The following PTPRF variants were observed in gnomAD, a reference collection of about 807,000 sequenced individuals.
PTPRF encodes protein tyrosine phosphatase receptor type F, also known as receptor-type tyrosine-protein phosphatase F.
A neutral mutation model predicts 201.8 loss-of-function variants in PTPRF; 59 were observed. The ratio of observed to expected loss-of-function variants is 0.29; its 90% CI spans 0.24 to 0.36. PTPRF has a LOEUF of 0.36. Among genes scored for constraint, PTPRF ranks in the 10% least tolerant of loss-of-function variants. The probability of loss-of-function intolerance (pLI) is 1.00; values close to 1 mark genes in which losing one functional copy is unlikely to be tolerated. For missense variants in PTPRF, 2,132 were observed against 2,690.5 expected (o/e 0.79, Z 4.59); for synonymous variants, 1,088 against 1,089.7 (o/e 1.00, Z 0.03).
At chr1:43,552,397 G>T (rs983312601) in intron 3 of PTPRF, among the ~76,000 whole-genome samples, 1 of 152,194 alleles carries the variant, frequency 6.6e-6, no homozygotes, top group African/African-American at 2.4e-5. Flanking sequence ...CAAGTGACTT[G>T]ACCCCTCTGA....
intron 5 of PTPRF, among the ~76,000 whole-genome samples, chr1:43,562,116 T>C (rs1357855731): frequency 2.1e-5 from 3 of 143,620 alleles, no homozygotes; most frequent in Non-Finnish European, 4.7e-5. Flanking sequence ...AGAGGACTTG[T>C]TTTTTTTTTT....
intron 1 of PTPRF, among the ~76,000 whole-genome samples, chr1:43,536,352 A>T (rs1489368104): frequency 1.3e-5 from 2 of 152,166 alleles, no homozygotes; most frequent in Non-Finnish European, 2.9e-5. Context: ...TCCTGCCCTC[A>T]TGCTGTTCTG....
intron 21 of PTPRF, among the ~76,000 whole-genome samples, chr1:43,607,420 G>C (rs2154027129): frequency 6.6e-6 from 1 of 152,278 alleles, no homozygotes; most frequent in South Asian, 2.1e-4. Flanking sequence ...GGCCATGGAT[G>C]CTCACTAACA....
chr1:43,531,082 G>T lies in PTPRF; in HGVS notation c.-134G>T. 6.6e-6 allele frequency: 1 copy of T among 152,500 alleles called. No individual in the cohort carries two copies. Among genetic ancestry groups the T allele is most frequent in the South Asian group, 1.8e-4 (1 of 5,670 alleles). 9.4% of individuals were successfully genotyped at this position (152,500 alleles called of 1,614,324 possible). A position where few individuals can be genotyped will look rare whatever the true frequency, so the allele number is the denominator to read the frequency against. On this transcript the variant is annotated 5_prime_UTR_variant, in exon 1 of 34. Coordinates refer to ENST00000359947, the MANE Select transcript of PTPRF (RefSeq NM_002840.5). The stretch of plus-strand genomic sequence containing the variant: ...GGGGACATGCGGACCGACGGCCCCT[G>T]GATAGGCGGTGAGTGACCCCCCGGC...
At chr1:43,541,428 A>G (rs573552439) in intron 2 of PTPRF, among the ~76,000 whole-genome samples, 4 of 152,096 alleles carry the variant, frequency 2.6e-5, no homozygotes, top group African/African-American at 4.8e-5. Flanking sequence ...GTGTTTTGCA[A>G]CGTGAATCTT....
chr1:43,599,926 C>G (rs537842432), intron 13 of PTPRF, among the ~76,000 whole-genome samples: 33 of 152,290 alleles, frequency 2.2e-4, no homozygotes, highest in African/African-American at 7.5e-4. Flanking sequence ...AGCAGGGCCT[C>G]CCCATTGAGC....
In PTPRF at chr1:43,606,453, G is replaced by A. The variant is rs771102511; in HGVS notation, c.3697G>A (p.Asp1233Asn). The A allele has an allele frequency of 6.2e-7, 1 of 1,612,702 alleles. No homozygotes were observed. The highest frequency in any genetic ancestry group is 1.1e-5 in the South Asian group (1 of 90,988). Residue 1233 changes from aspartate to asparagine, a missense_variant, in exon 20 of 34, where the codon GAC becomes AAC. Asp to Asn is a conservative substitution (Grantham distance 23). This residue lies in a region of PTPRF where 818 missense variants were observed against 915.3 expected (regional missense o/e 0.89). Transcript: ENST00000359947. ...GCTTGCCTCCTTGAAGGAACCCATG[G>A]ACCAGGTCTGCCTGAGCCGGCTTGG... ...FVLASLKEPM[D>N]QKRYASSPYS...
At chr1:43,612,672 C>CTG in intron 22 of PTPRF, 1 of 1,151,932 alleles carries the variant, frequency 8.7e-7, no homozygotes, top group Non-Finnish European at 1.2e-6. Flanking sequence ...GGCACCTCCA[C>CTG]TGTGTGTGAT....
chr1:43,553,728 G>A lies in PTPRF; in HGVS notation c.238-72G>A. The A allele has an allele frequency of 6.2e-7, 1 of 1,609,296 alleles. No individual in the cohort carries two copies. Among genetic ancestry groups the A allele is most frequent in the Non-Finnish European group, 8.5e-7 (1 of 1,177,028 alleles). On this transcript the variant is annotated intron_variant, in intron 4 of 33. Transcript: ENST00000359947. The surrounding 1 kb of genome is among the most constrained non-coding windows in gnomAD (Gnocchi z 4.1). ...CCCTCCTCATGGACCTTTTGGAGGT[G>A]GGAGGACAACTGACCCTGAGCAGGC...
At chr1:43,612,650 G>T in intron 22 of PTPRF, 1 of 894,148 alleles carries the variant, frequency 1.1e-6, no homozygotes, top group Non-Finnish European at 1.6e-6. Flanking sequence ...CCAGCCCCTC[G>T]CAAGCCCGCT....
At chr1:43,543,753 G>A (rs914090933) in intron 2 of PTPRF, among the ~76,000 whole-genome samples, 2 of 152,140 alleles carry the variant, frequency 1.3e-5, no homozygotes, top group Non-Finnish European at 2.9e-5. Flanking sequence ...GGGTCAGCGG[G>A]GACCTGGGTC....
intron 5 of PTPRF, among the ~76,000 whole-genome samples, chr1:43,566,206 C>T (rs1375612986): frequency 6.6e-6 from 1 of 152,190 alleles, no homozygotes; most frequent in Non-Finnish European, 1.5e-5. Context: ...GGCTGGGGGC[C>T]TACCACCCGG....
At chr1:43,536,199 C>T (rs1384570004) in intron 1 of PTPRF, among the ~76,000 whole-genome samples, 1 of 152,192 alleles carries the variant, frequency 6.6e-6, no homozygotes, top group Non-Finnish European at 1.5e-5. Context: ...GTTCTGGGCT[C>T]TGTCCCAGTG....
intron 33 of PTPRF, 32 bp from the exon 34 acceptor site, chr1:43,621,903 G>T (rs1196937797): frequency 6.2e-7 from 1 of 1,610,646 alleles, no homozygotes; most frequent in African/African-American, 1.3e-5. Context: ...CCACTGGCGC[G>T]ACCCACACTG....
At position 43,622,194 on chromosome 1, in the gene PTPRF, G is replaced by GT. The variant is rs1640528275; in HGVS notation, c.*192dup. ...GAGAGCCTAGAACATCCCTGGGCAA[G>GT]TGGATGGCCCAGCAGGCAGGCACTG... On this transcript the variant is annotated 3_prime_UTR_variant, in exon 34 of 34. Coordinates refer to ENST00000359947, the MANE Select transcript of PTPRF (RefSeq NM_002840.5). 1.6e-6 allele frequency: 1 copy of GT among 629,154 alleles called. No homozygotes were observed. The highest frequency in any genetic ancestry group is 2.8e-6 in the Non-Finnish European group (1 of 361,650). 39.0% of individuals were successfully genotyped at this position (629,154 alleles called of 1,614,324 possible).
chr1:43,532,013 C>T (rs867411836), intron 1 of PTPRF, among the ~76,000 whole-genome samples: 22 of 152,304 alleles, frequency 1.4e-4, no homozygotes, highest in African/African-American at 5.1e-4. Flanking sequence ...TTCTTTCTCC[C>T]CAGGTCTCTC....
chr1:43,571,692 T>TC (rs1373694481), intron 6 of PTPRF, among the ~76,000 whole-genome samples: 2 of 152,192 alleles, frequency 1.3e-5, no homozygotes, highest in Non-Finnish European at 2.9e-5. Context: ...CTCCGGGCCC[T>TC]CCCGAGAATC....
At chr1:43,543,407 C>T (rs1357417416) in intron 2 of PTPRF, among the ~76,000 whole-genome samples, 1 of 152,174 alleles carries the variant, frequency 6.6e-6, no homozygotes, top group Non-Finnish European at 1.5e-5. Flanking sequence ...GGGCTGGACA[C>T]CTATCAACGT....
intron 11 of PTPRF, among the ~76,000 whole-genome samples, chr1:43,594,555 G>A (rs1235684682): frequency 1.3e-5 from 2 of 152,090 alleles, no homozygotes; most frequent in East Asian, 3.9e-4. Flanking sequence ...GACCGGTTAG[G>A]AGGCTTTGTA....
Sources: gnomAD v4.1 joint callset for allele counts (sites outside exome capture counted in the v4.1 genomes callset) on GRCh38, gnomAD v4.1.1 for gene constraint, gnomAD v4.1.1 regional missense constraint, Gnocchi (gnomAD v3.1) non-coding constraint, MANE v1.5 for transcripts, NCBI Gene and HGNC (gene_info 2026-07-23, HGNC 2026-07-21) for gene names.